The following SLC2A9 variants were observed in gnomAD, a reference collection of about 807,000 sequenced individuals.
SLC2A9 encodes solute carrier family 2, facilitated glucose transporter member 9.
A neutral mutation model predicts 50.6 loss-of-function variants in SLC2A9; 39 were observed. The ratio of observed to expected loss-of-function variants is 0.77; its 90% CI spans 0.60 to 1.01. The LOEUF (loss-of-function observed/expected upper bound fraction) is 1.01. Ranked by LOEUF, SLC2A9 falls within the 50% of genes least tolerant of loss-of-function variation. The probability of loss-of-function intolerance (pLI) is 0.00; values close to 1 mark genes in which losing one functional copy is unlikely to be tolerated. For missense variants in SLC2A9, 686 were observed against 677.6 expected (o/e 1.01, Z -0.14); for synonymous variants, 324 against 276.9 (o/e 1.17, Z -1.69).
Position 9,890,622 on chromosome 4 carries a change from C to G in SLC2A9, c.1203G>C (p.Thr401=), listed in dbSNP as rs191072192. The change falls in exon 9 of 12, where the codon ACG becomes ACC. Residue 401 remains threonine (T), a synonymous_variant. Transcript: ENST00000264784. ...MGLFFGTLTI[T]LTLQDHAPWV... The stretch of plus-strand genomic sequence containing the variant: ...AACATCGTCTCACCTGCAGGGTCAG[C>G]GTGATGGTGAGGGTCCCAAAGAAGA... 9.9e-6 allele frequency: 16 copies of G among 1,613,922 alleles called. No homozygotes were observed. The highest frequency in any genetic ancestry group is 1.2e-5 in the Non-Finnish European group (14 of 1,179,960).
chr4:9,869,789 G>A (rs1022032408), intron 10 of SLC2A9, among the ~76,000 whole-genome samples: 39 of 152,202 alleles, frequency 2.6e-4, no homozygotes. Context: ...AGGCCAAAGT[G>A]TTTATCAAAG....
chr4:9,884,874 A>G (rs1735897483), intron 10 of SLC2A9, among the ~76,000 whole-genome samples: 1 of 152,210 alleles, frequency 6.6e-6, no homozygotes, highest in Non-Finnish European at 1.5e-5. Flanking sequence ...TTGCAGGGAC[A>G]TGGATGGAGC....
Position 9,886,424 on chromosome 4 carries a change from C to CTG in SLC2A9, c.1291+1141_1291+1142dup, listed in dbSNP as rs59081583. The stretch of plus-strand genomic sequence containing the variant: ...AGCCGTTCTGACCACCCTCATAGCA[C>CTG]TGTGTGTGTGTGTGTGTGTGTGTGT... On this transcript the variant is annotated intron_variant, in intron 10 of 11. Coordinates refer to ENST00000264784, the MANE Select transcript of SLC2A9 (RefSeq NM_020041.3). 6.8e-3 allele frequency among the ~76,000 whole-genome samples: 923 copies of CTG among 135,664 alleles called. 12 individuals carry two copies. The highest frequency in any genetic ancestry group is 0.028 in the East Asian group (124 of 4,468). 89.0% of individuals were successfully genotyped at this position (135,664 alleles called of 152,430 possible).
chr4:9,806,606 A>T (rs939599279), intron 3 of SLC2A9, among the ~76,000 whole-genome samples: 1 of 152,128 alleles, frequency 6.6e-6, no homozygotes, highest in Non-Finnish European at 1.5e-5. Context: ...AGCTGGTCTC[A>T]GCATTTGGCT....
chr4:9,859,144 T>C (rs1731209440), intron 10 of SLC2A9, among the ~76,000 whole-genome samples: 1 of 152,226 alleles, frequency 6.6e-6, no homozygotes, highest in African/African-American at 2.4e-5. Context: ...AACTTGCAAA[T>C]GGTCTATCGT....
intron 10 of SLC2A9, among the ~76,000 whole-genome samples, chr4:9,871,094 T>G (rs1733356237): frequency 6.6e-6 from 1 of 152,152 alleles, no homozygotes; most frequent in Non-Finnish European, 1.5e-5. Context: ...GAAGATAATA[T>G]TATTAATTTT....
intron 11 of SLC2A9, among the ~76,000 whole-genome samples, chr4:9,831,351 A>G (rs1455057489): frequency 6.6e-6 from 1 of 152,024 alleles, no homozygotes; most frequent in Non-Finnish European, 1.5e-5. Flanking sequence ...GACACAGATC[A>G]ACACAGAAGG....
At chr4:9,845,847 A>C (rs552408117) in intron 10 of SLC2A9, among the ~76,000 whole-genome samples, 1 of 152,350 alleles carries the variant, frequency 6.6e-6, no homozygotes, top group East Asian at 1.9e-4. Flanking sequence ...CACCATGTTT[A>C]AAAATAGCTC....
At chr4:9,956,419 G>T (rs1751300219) in intron 5 of SLC2A9, among the ~76,000 whole-genome samples, 1 of 152,042 alleles carries the variant, frequency 6.6e-6, no homozygotes, top group African/African-American at 2.4e-5. Flanking sequence ...GGTAGAGCTT[G>T]CAGTGAGCCA....
intron 10 of SLC2A9, among the ~76,000 whole-genome samples, chr4:9,848,946 C>T (rs1012577442): frequency 4.6e-5 from 7 of 152,192 alleles, no homozygotes; most frequent in African/African-American, 1.7e-4. Flanking sequence ...TTGTGATCCG[C>T]CTGCCTCGGC....
chr4:9,808,290 TG>T (rs1202363394), intron 3 of SLC2A9, among the ~76,000 whole-genome samples: 1 of 152,240 alleles, frequency 6.6e-6, no homozygotes, highest in Non-Finnish European at 1.5e-5. Context: ...CAGTTCACCC[TG>T]GTACCCTAGG....
intron 2 of SLC2A9, among the ~76,000 whole-genome samples, chr4:10,005,825 T>C (rs990572659): frequency 5.9e-5 from 9 of 152,114 alleles, no homozygotes; most frequent in Admixed American, 5.9e-4. Flanking sequence ...ATGTTAAAGG[T>C]AGTTGGAATT....
intron 1 of SLC2A9, chr4:9,771,381 G>A (rs1324795759): frequency 1.5e-5 from 6 of 397,402 alleles, no homozygotes; most frequent in African/African-American, 6.2e-5. Context: ...TGCAGAAGGA[G>A]AGAGGGTGTA....
chr4:9,776,965 C>A (rs1717651955), downstream of SLC2A9, among the ~76,000 whole-genome samples: 1 of 152,168 alleles, frequency 6.6e-6, no homozygotes, highest in Non-Finnish European at 1.5e-5. Context: ...GCTCACTCTG[C>A]CCCAGGGCCT....
intron 3 of SLC2A9, among the ~76,000 whole-genome samples, chr4:9,792,286 C>G (rs1022615180): frequency 2.2e-4 from 33 of 149,070 alleles, no homozygotes; most frequent in African/African-American, 7.9e-4. Context: ...TGGTGATCCT[C>G]CTGCTACAGC....
chr4:9,915,130 C>A (rs1421021777), intron 7 of SLC2A9, among the ~76,000 whole-genome samples: 1 of 152,168 alleles, frequency 6.6e-6, no homozygotes, highest in Admixed American at 6.5e-5. Context: ...GCTGGGAAGT[C>A]AGAGGATGTG....
intron 5 of SLC2A9, among the ~76,000 whole-genome samples, chr4:9,942,837 C>T (rs1020368504): frequency 6.6e-6 from 1 of 152,200 alleles, no homozygotes; most frequent in Non-Finnish European, 1.5e-5. Context: ...GAAGAGAATC[C>T]TGCTCACAAT....
At chr4:9,952,536 C>CT (rs756143497) in intron 5 of SLC2A9, among the ~76,000 whole-genome samples, 61 of 69,560 alleles carry the variant, frequency 8.8e-4, no homozygotes, top group South Asian at 2.5e-3. Context: ...ATCTGTCTGT[C>CT]TTTTTTTTTT....
chr4:9,938,086 A>G (rs1747425450), intron 6 of SLC2A9, among the ~76,000 whole-genome samples: 1 of 152,176 alleles, frequency 6.6e-6, no homozygotes, highest in Admixed American at 6.5e-5. Flanking sequence ...TTTGTTAAAT[A>G]AGTGAATTAA....
Sources: allele counts gnomAD v4.1 joint callset (sites outside exome capture counted in the v4.1 genomes callset), GRCh38; gene constraint gnomAD v4.1.1; transcripts MANE v1.5; gene names NCBI Gene and HGNC (gene_info 2026-07-23, HGNC 2026-07-21).